The following CREB5 variants were observed in gnomAD, a reference collection of about 807,000 sequenced individuals.
CREB5 encodes cAMP responsive element binding protein 5, also known as cyclic AMP-responsive element-binding protein 5.
In CREB5, 19 loss-of-function variants were observed where a neutral mutation model predicts 57.1. The ratio of observed to expected loss-of-function variants is 0.33; its 90% CI spans 0.23 to 0.49. CREB5 has a LOEUF of 0.49. Ranked by LOEUF, CREB5 falls within the 20% of genes least tolerant of loss-of-function variation. The pLI is 0.99. For missense variants in CREB5, 579 were observed against 671.6 expected (o/e 0.86, Z 1.52); for synonymous variants, 238 against 238.3 (o/e 1.00, Z 0.01).
rs112663023 is a variant in CREB5, at chr7:28,576,347, T to C, written c.464+5810T>C. Among the ~76,000 whole-genome samples the C allele has an allele frequency of 8.1e-3, 1,229 of 152,344 alleles. 17 individuals are homozygous for C. Among genetic ancestry groups the C allele is most frequent in the African/African-American group, 0.028 (1,178 of 41,570 alleles). ...GTAATTCTTCAATAGCTCAGAGAGG[T>C]AGCTGTTATTTACCCCAATATTATT... is the stretch of plus-strand genomic sequence containing the variant. On this transcript the variant is annotated intron_variant, in intron 5 of 10. Transcript: ENST00000357727.
intron 4 of CREB5, among the ~76,000 whole-genome samples, chr7:28,526,709 G>A (rs1391311714): frequency 6.6e-6 from 1 of 152,234 alleles, no homozygotes; most frequent in Non-Finnish European, 1.5e-5. Flanking sequence ...ACATGGACTG[G>A]CCACGCTGAG....
At chr7:28,642,989 C>CACACACACACACACACAT (rs1798734436) in intron 5 of CREB5, among the ~76,000 whole-genome samples, 3 of 71,104 alleles carry the variant, frequency 4.2e-5, no homozygotes, top group African/African-American at 9.5e-5. Flanking sequence ...CACACACATA[C>CACACACACACACACACAT]ACACACACAC....
intron 5 of CREB5, among the ~76,000 whole-genome samples, chr7:28,685,224 T>A (rs1800809486): frequency 6.6e-6 from 1 of 152,280 alleles, no homozygotes; most frequent in Non-Finnish European, 1.5e-5. Context: ...CTTTGGAAGG[T>A]TCACCTGAGG....
upstream of CREB5, chr7:28,409,287 TAGA>T (rs1787668288): frequency 6.6e-6 from 1 of 152,338 alleles, no homozygotes; most frequent in South Asian, 2.1e-4. The surrounding 1 kb of genome is among the most constrained non-coding windows in gnomAD (Gnocchi z 4.4). Flanking sequence ...CGCAATGATT[TAGA>T]AGTTCAGGAA....
chr7:28,514,401 T>A (rs2128610917), intron 4 of CREB5, among the ~76,000 whole-genome samples: 1 of 152,240 alleles, frequency 6.6e-6, no homozygotes, highest in Non-Finnish European at 1.5e-5. Context: ...TTTTATTTAT[T>A]TTTTATTTTT....
chr7:28,376,631 T>C (rs1156871761), intron 1 of CREB5, among the ~76,000 whole-genome samples: 1 of 152,068 alleles, frequency 6.6e-6, no homozygotes, highest in African/African-American at 2.4e-5. Context: ...AAGCCAAAGG[T>C]GAGGTGGTTG....
chr7:28,343,940 TC>T (rs1425415905), intron 1 of CREB5, among the ~76,000 whole-genome samples: 2 of 152,248 alleles, frequency 1.3e-5, no homozygotes, highest in Non-Finnish European at 2.9e-5. Context: ...TATTTGCATT[TC>T]CCTGATAATT....
chr7:28,585,001 T>C (rs1232549370), intron 5 of CREB5, among the ~76,000 whole-genome samples: 2 of 152,196 alleles, frequency 1.3e-5, no homozygotes. Flanking sequence ...ATCAAACAGA[T>C]CCACAGTGAC....
intron 5 of CREB5, among the ~76,000 whole-genome samples, chr7:28,655,161 C>A (rs575422294): frequency 3.0e-4 from 45 of 152,108 alleles, no homozygotes; most frequent in Non-Finnish European, 5.1e-4. Flanking sequence ...TGTCAGCCCC[C>A]CAAAGTGCTG....
intron 4 of CREB5, among the ~76,000 whole-genome samples, chr7:28,515,669 C>G (rs993085531): frequency 1.3e-5 from 2 of 152,080 alleles, no homozygotes; most frequent in Non-Finnish European, 2.9e-5. Flanking sequence ...CTCCTTAGGT[C>G]CAATCAAATT....
intron 1 of CREB5, among the ~76,000 whole-genome samples, chr7:28,440,472 C>T (rs767474100): frequency 5.0e-4 from 76 of 152,222 alleles, no homozygotes; most frequent in Middle Eastern, 6.8e-3. Flanking sequence ...GCAGTGGTAC[C>T]GCCAGTTGCA....
intron 4 of CREB5, among the ~76,000 whole-genome samples, chr7:28,512,278 G>T (rs12700890): frequency 0.087 from 13,292 of 152,220 alleles, 779 homozygotes; most frequent in Non-Finnish European, 0.13. Context: ...CTTGAGATTG[G>T]GTGGAGTCAC....
intron 5 of CREB5, among the ~76,000 whole-genome samples, chr7:28,679,052 C>CTTTTTTTTTTTTTTTTTTTTTTTTT (rs56266854): frequency 8.1e-6 from 1 of 123,866 alleles, no homozygotes; most frequent in Non-Finnish European, 1.6e-5. Context: ...TTTTGTAGTT[C>CTTTTTTTTTTTTTTTTTTTTTTTTT]TTTTTTTTTT....
chr7:28,399,453 G>T (rs1196130551), intron 1 of CREB5, among the ~76,000 whole-genome samples: 2 of 147,208 alleles, frequency 1.4e-5, no homozygotes, highest in South Asian at 2.1e-4. Context: ...TAGAGCAATG[G>T]AGCAGAATAG....
intron 1 of CREB5, among the ~76,000 whole-genome samples, chr7:28,403,040 A>G (rs1272499059): frequency 2.0e-5 from 3 of 152,224 alleles, no homozygotes; most frequent in Admixed American, 6.5e-5. Context: ...AAACTAAATC[A>G]TACTAGGGTT....
chr7:28,483,287 C>T (rs1422619254), intron 1 of CREB5, among the ~76,000 whole-genome samples: 1 of 152,056 alleles, frequency 6.6e-6, no homozygotes, highest in Non-Finnish European at 1.5e-5. Context: ...CATTTTAGAC[C>T]AGGAATTTGT....
chr7:28,311,448 T>C (rs142282753), intron 1 of CREB5, among the ~76,000 whole-genome samples: 1,594 of 152,322 alleles, frequency 0.01, 15 homozygotes, highest in Non-Finnish European at 0.015. Flanking sequence ...TCCCCCACTG[T>C]CCTCTCTTCC....
intron 4 of CREB5, among the ~76,000 whole-genome samples, chr7:28,566,834 T>A (rs538254100): frequency 6.6e-6 from 1 of 152,332 alleles, no homozygotes; most frequent in South Asian, 2.1e-4. Context: ...AATATGTCTT[T>A]CAGGAGCTTT....
intron 4 of CREB5, among the ~76,000 whole-genome samples, chr7:28,523,373 C>A (rs534396120): frequency 1.3e-5 from 2 of 152,198 alleles, no homozygotes; most frequent in Non-Finnish European, 2.9e-5. Context: ...CCAATTCAAT[C>A]GAAAAACGTT....
Sources: gnomAD v4.1 joint callset for allele counts (sites outside exome capture counted in the v4.1 genomes callset) on GRCh38, gnomAD v4.1.1 for gene constraint, Gnocchi (gnomAD v3.1) non-coding constraint, MANE v1.5 for transcripts, NCBI Gene and HGNC (gene_info 2026-07-23, HGNC 2026-07-21) for gene names.